CDH12: variants seen among roughly 807,000 people sequenced by gnomAD.
CDH12 encodes cadherin 12.
Under a neutral mutation model 74.1 loss-of-function variants are expected in CDH12, and 41 were observed. The observed-to-expected ratio is 0.55, with a 90% CI of 0.43 to 0.72. The LOEUF (loss-of-function observed/expected upper bound fraction) is 0.72. Ranked by LOEUF, CDH12 falls within the 30% of genes least tolerant of loss-of-function variation. The probability of loss-of-function intolerance (pLI) is 0.00; values close to 1 mark genes in which losing one functional copy is unlikely to be tolerated. For missense variants in CDH12, 945 were observed against 977.2 expected, an observed-to-expected ratio of 0.97 and a Z score of 0.44; for synonymous variants, 399 against 355.0, an observed-to-expected ratio of 1.12 and a Z score of -1.39.
At chr5:22,161,635 C>T (rs965624530) in intron 4 of CDH12, among the ~76,000 whole-genome samples, 6 of 151,322 alleles carry the variant, frequency 4.0e-5, no homozygotes, top group South Asian at 4.2e-4. Context: ...AAGATTGCAG[C>T]GAGCTATAAT....
chr5:22,015,794 A>G (rs556113507), intron 5 of CDH12, among the ~76,000 whole-genome samples: 4 of 152,334 alleles, frequency 2.6e-5, no homozygotes, highest in African/African-American at 9.6e-5. Context: ...ATCAGTATAC[A>G]TTCATCTGGC....
intron 4 of CDH12, among the ~76,000 whole-genome samples, chr5:22,111,770 A>C (rs970487348): frequency 6.6e-6 from 1 of 152,192 alleles, no homozygotes; most frequent in South Asian, 2.1e-4. Context: ...CTTTACATCT[A>C]CCTATCATAA....
chr5:22,713,493 T>C (rs1438027061), intron 1 of CDH12, among the ~76,000 whole-genome samples: 2 of 152,002 alleles, frequency 1.3e-5, no homozygotes, highest in Admixed American at 6.6e-5. Context: ...ATGTGTAAAA[T>C]AAGGACAGTA....
chr5:22,140,058 C>A (rs989273770), intron 4 of CDH12, among the ~76,000 whole-genome samples: 5 of 152,116 alleles, frequency 3.3e-5, no homozygotes, highest in Middle Eastern at 3.2e-3. Context: ...GGAACTTTCA[C>A]CCCTTTGCAT....
chr5:21,967,854 C>T (rs1328383306), intron 6 of CDH12, among the ~76,000 whole-genome samples: 7 of 152,276 alleles, frequency 4.6e-5, no homozygotes, highest in South Asian at 2.1e-4. Context: ...GGACACTTCA[C>T]GGCTGGCACA....
chr5:22,036,062 G>A (rs1252606378), intron 5 of CDH12, among the ~76,000 whole-genome samples: 3 of 152,088 alleles, frequency 2.0e-5, no homozygotes, highest in African/African-American at 4.8e-5. Context: ...TAACTGTCTT[G>A]TATTATGCAT....
At chr5:22,375,581 C>T (rs1741485675) in intron 3 of CDH12, among the ~76,000 whole-genome samples, 1 of 152,050 alleles carries the variant, frequency 6.6e-6, no homozygotes, top group South Asian at 2.1e-4. Flanking sequence ...ACATGAGGAA[C>T]TCAAACAATT....
At chr5:22,138,858 A>ATATATATATATATATATG (rs1456327566) in intron 4 of CDH12, among the ~76,000 whole-genome samples, 1 of 131,004 alleles carries the variant, frequency 7.6e-6, no homozygotes, top group East Asian at 2.1e-4. Context: ...ATATATATAT[A>ATATATATATATATATATG]TATATATATA....
At chr5:22,644,706 G>A (rs1232670893) in intron 1 of CDH12, among the ~76,000 whole-genome samples, 1 of 151,732 alleles carries the variant, frequency 6.6e-6, no homozygotes. Flanking sequence ...GCCTGCTGGT[G>A]GAAGAAGATG....
chr5:21,880,623 CT>C (rs1269205397), intron 6 of CDH12, among the ~76,000 whole-genome samples: 705 of 58,220 alleles, frequency 0.012, no homozygotes, highest in Non-Finnish European at 0.014. Context: ...TTCCTTCTTT[CT>C]TTCTTTCTTT....
intron 6 of CDH12, among the ~76,000 whole-genome samples, chr5:21,897,860 T>C (rs1241210530): frequency 6.6e-6 from 1 of 152,198 alleles, no homozygotes; most frequent in African/African-American, 2.4e-5. Flanking sequence ...TTTCAGCAGA[T>C]TGAAATTTTA....
intron 6 of CDH12, among the ~76,000 whole-genome samples, chr5:21,902,738 C>T (rs1015580158): frequency 2.1e-4 from 32 of 152,108 alleles, no homozygotes; most frequent in Non-Finnish European, 3.8e-4. Context: ...AGAAACTAAA[C>T]TTTAATTTTG....
At chr5:22,573,581 C>A (rs1232684553) in intron 1 of CDH12, among the ~76,000 whole-genome samples, 1 of 152,050 alleles carries the variant, frequency 6.6e-6, no homozygotes, top group African/African-American at 2.4e-5. Flanking sequence ...AGAAAGCAAC[C>A]ATGTCTAAAA....
chr5:22,743,173 C>T (rs1374722708), intron 1 of CDH12, among the ~76,000 whole-genome samples: 3 of 151,222 alleles, frequency 2.0e-5, no homozygotes, highest in Non-Finnish European at 2.9e-5. Flanking sequence ...ACTCTGAGTT[C>T]CTCAACTCTC....
At chr5:22,656,677 C>A (rs1001149395) in intron 1 of CDH12, among the ~76,000 whole-genome samples, 1 of 152,152 alleles carries the variant, frequency 6.6e-6, no homozygotes, top group Non-Finnish European at 1.5e-5. Context: ...TAATTTCACT[C>A]TTAGTACAAA....
chr5:22,828,187 C>T (rs1181804662), intron 1 of CDH12, among the ~76,000 whole-genome samples: 1 of 152,046 alleles, frequency 6.6e-6, no homozygotes, highest in African/African-American at 2.4e-5. Context: ...AGTGCAAACC[C>T]TTACCCTAAA....
At position 21,880,612 on chromosome 5, in the gene CDH12, C is replaced by CTCTCTTTCT. The variant is rs1561268318; in HGVS notation, c.527-25823_527-25822insAGAAAGAGA. Reference sequence around the variant, plus strand: ...CCTTCCTTCCTTCCTTCCTTCCTTCCTTCCTTCTTTCTTTCTTTCTTTCTT... The same window carrying CTCTCTTTCT: ...CCTTCCTTCCTTCCTTCCTTCCTTCCTCTCTTTCTTTCCTTCTTTCTTTCTTTCTTTCTT... On this transcript the variant is annotated intron_variant, in intron 6 of 14. Transcript: ENST00000382254. Among the ~76,000 whole-genome samples, 48 of 69,926 alleles carry CTCTCTTTCT rather than the reference C, an allele frequency of 6.9e-4. 1 individual carries two copies. The highest frequency in any genetic ancestry group is 3.1e-3 in the African/African-American group (48 of 15,250). 45.9% of individuals were successfully genotyped at this position (69,926 alleles called of 152,430 possible).
At chr5:22,392,940 G>T (rs1201013014) in intron 3 of CDH12, among the ~76,000 whole-genome samples, 1 of 152,008 alleles carries the variant, frequency 6.6e-6, no homozygotes, top group African/African-American at 2.4e-5. Context: ...CTGTAGTCAG[G>T]CTACTCTCTC....
chr5:21,794,633 TA>T (rs1746681266), intron 10 of CDH12, among the ~76,000 whole-genome samples: 1 of 151,784 alleles, frequency 6.6e-6, no homozygotes, highest in Non-Finnish European at 1.5e-5. Flanking sequence ...TTTTTTCATT[TA>T]ATATGTTTTG....
Sources: allele counts gnomAD v4.1 joint callset (sites outside exome capture counted in the v4.1 genomes callset), GRCh38; gene constraint gnomAD v4.1.1; transcripts MANE v1.5; gene names NCBI Gene and HGNC (gene_info 2026-07-23, HGNC 2026-07-21).